The following HHAT variants were observed in gnomAD, a reference collection of about 807,000 sequenced individuals.
HHAT encodes hedgehog acyltransferase.
HHAT carries 47 observed loss-of-function variants against 70.8 expected under a neutral mutation model. That is an observed-to-expected ratio of 0.66 (90% CI 0.53 to 0.85). The LOEUF (loss-of-function observed/expected upper bound fraction) is 0.85, where lower values mean the gene tolerates loss of function less well. HHAT is among the 40% of genes least tolerant of loss of function. HHAT has a pLI of 0.00. For missense variants in HHAT, 609 were observed against 604.8 expected, an observed-to-expected ratio of 1.01 and a Z score of -0.07; for synonymous variants, 228 against 247.6, an observed-to-expected ratio of 0.92 and a Z score of 0.74.
At chr1:210,550,255 T>G (rs1167933089) in intron 9 of HHAT, among the ~76,000 whole-genome samples, 1 of 149,342 alleles carries the variant, frequency 6.7e-6, no homozygotes, top group African/African-American at 2.5e-5. Context: ...CTAACTCCTT[T>G]GTAAATGCCT....
At chr1:210,665,913 C>T (rs1043179357) in intron 11 of HHAT, among the ~76,000 whole-genome samples, 7 of 152,210 alleles carry the variant, frequency 4.6e-5, no homozygotes, top group Non-Finnish European at 1.0e-4. Context: ...ATTTCTACCT[C>T]AGAGTGTTGT....
At chr1:210,483,099 A>G (rs1445169431) in intron 8 of HHAT, among the ~76,000 whole-genome samples, 2 of 152,196 alleles carry the variant, frequency 1.3e-5, no homozygotes, top group Non-Finnish European at 2.9e-5. Context: ...ATTTACCACC[A>G]GTAAATGTAA....
intron 9 of HHAT, among the ~76,000 whole-genome samples, chr1:210,587,415 C>T (rs1387016078): frequency 6.6e-6 from 1 of 152,128 alleles, no homozygotes; most frequent in Admixed American, 6.5e-5. Flanking sequence ...AAACCCACCC[C>T]CATGATTCAA....
At chr1:210,569,373 C>CAAAAAAAGAAAAAAAA in intron 9 of HHAT, among the ~76,000 whole-genome samples, 1 of 28,338 alleles carries the variant, frequency 3.5e-5, no homozygotes, top group Non-Finnish European at 6.3e-5. Context: ...GAGTCTGCCT[C>CAAAAAAAGAAAAAAAA]AAAAAAAAAA....
intron 10 of HHAT, among the ~76,000 whole-genome samples, chr1:210,610,454 C>T (rs1666356307): frequency 6.6e-6 from 1 of 152,154 alleles, no homozygotes; most frequent in African/African-American, 2.4e-5. Context: ...AATATTTACT[C>T]ACATTCTGTA....
chr1:210,616,532 C>A (rs529359519), intron 10 of HHAT, among the ~76,000 whole-genome samples: 13 of 152,286 alleles, frequency 8.5e-5, no homozygotes, highest in African/African-American at 3.1e-4. Flanking sequence ...TTGAAATCGA[C>A]AGTTGGTATC....
At chr1:210,649,249 C>T (rs1267011452) in intron 11 of HHAT, among the ~76,000 whole-genome samples, 1 of 152,170 alleles carries the variant, frequency 6.6e-6, no homozygotes, top group South Asian at 2.1e-4. Flanking sequence ...CTCAGCACAC[C>T]CAGGATCCCC....
chr1:210,450,962 C>CTG (rs1417971888), intron 7 of HHAT, among the ~76,000 whole-genome samples: 63 of 151,890 alleles, frequency 4.1e-4, no homozygotes, highest in African/African-American at 1.5e-3. Context: ...TGGTGGGCAC[C>CTG]TGTAGTCCCA....
At chr1:210,569,397 A>AAAAAAAAAAAAAAAAAAAAAC (rs1655657571) in intron 9 of HHAT, among the ~76,000 whole-genome samples, 1 of 148,396 alleles carries the variant, frequency 6.7e-6, no homozygotes, top group Non-Finnish European at 1.5e-5. Flanking sequence ...AAAAAAAAAA[A>AAAAAAAAAAAAAAAAAAAAAC]AAGCGTATAG....
intron 8 of HHAT, among the ~76,000 whole-genome samples, chr1:210,494,542 CTTTTTTTTTTTT>C (rs71146226): frequency 6.9e-4 from 57 of 82,856 alleles, no homozygotes; most frequent in South Asian, 1.7e-3. Context: ...TTTGAAATAG[CTTTTTTTTTTTT>C]TTTTTTTTTT....
chr1:210,415,203 A>T (rs1030944810), intron 6 of HHAT, among the ~76,000 whole-genome samples: 1 of 152,282 alleles, frequency 6.6e-6, no homozygotes, highest in Admixed American at 6.5e-5. Context: ...CTAGTGTTGG[A>T]CATTTGGGTT....
At chr1:210,593,681 A>G (rs985715650) in intron 10 of HHAT, among the ~76,000 whole-genome samples, 5 of 152,190 alleles carry the variant, frequency 3.3e-5, no homozygotes, top group African/African-American at 1.2e-4. Context: ...AATGTCGATT[A>G]GGTCCATTTG....
At chr1:210,441,862 T>A (rs1485823059) in intron 7 of HHAT, among the ~76,000 whole-genome samples, 2 of 151,606 alleles carry the variant, frequency 1.3e-5, no homozygotes, top group African/African-American at 4.9e-5. Context: ...ACTTTTTTTT[T>A]ATTATACTTT....
intron 5 of HHAT, among the ~76,000 whole-genome samples, chr1:210,403,981 G>A (rs1013168872): frequency 9.4e-5 from 14 of 148,590 alleles, no homozygotes; most frequent in Admixed American, 2.7e-4. Context: ...TTAGACAAAT[G>A]CTACTCAACT....
intron 10 of HHAT, among the ~76,000 whole-genome samples, chr1:210,615,848 C>T (rs6671833): frequency 0.35 from 52,493 of 152,082 alleles, 9,761 homozygotes; most frequent in South Asian, 0.45. Context: ...TCTGCCCCTA[C>T]TGGGGGGTGC....
intron 8 of HHAT, among the ~76,000 whole-genome samples, chr1:210,504,424 G>A (rs1276949777): frequency 6.6e-6 from 1 of 152,176 alleles, no homozygotes; most frequent in Non-Finnish European, 1.5e-5. Context: ...AAGAAAACAA[G>A]GCCATGGAGG....
At chr1:210,566,955 T>C (rs1185402837) in intron 9 of HHAT, among the ~76,000 whole-genome samples, 3 of 152,228 alleles carry the variant, frequency 2.0e-5, no homozygotes, top group Non-Finnish European at 4.4e-5. Flanking sequence ...CTGTAACACA[T>C]GCCCATTTGG....
intron 10 of HHAT, among the ~76,000 whole-genome samples, chr1:210,612,623 T>C (rs997399238): frequency 3.9e-5 from 6 of 152,314 alleles, no homozygotes; most frequent in Non-Finnish European, 8.8e-5. Context: ...TGTACAAATA[T>C]ATGTCTGAGT....
chr1:210,660,197 G>A lies in HHAT; in HGVS notation c.1391-14091G>A, dbSNP rs565964752. On this transcript the variant is annotated intron_variant, in intron 11 of 11. Coordinates refer to ENST00000261458, the MANE Select transcript of HHAT (RefSeq NM_018194.6). ...TCTCAGCCGAAAATCTCCTTAAGCTGATAAGCAACTTCAGCAAAGTCTCAG... is the reference window on the plus strand; with the variant it reads ...TCTCAGCCGAAAATCTCCTTAAGCTAATAAGCAACTTCAGCAAAGTCTCAG... 5.4e-4 allele frequency among the ~76,000 whole-genome samples: 82 copies of A among 152,294 alleles called. 1 individual carries two copies. Among genetic ancestry groups the A allele is most frequent in the Non-Finnish European group, 7.5e-4 (51 of 68,024 alleles).
Sources: allele counts gnomAD v4.1 joint callset (sites outside exome capture counted in the v4.1 genomes callset), GRCh38; gene constraint gnomAD v4.1.1; transcripts MANE v1.5; gene names NCBI Gene and HGNC (gene_info 2026-07-23, HGNC 2026-07-21).